Variants in SLC19A2 observed in about 807,000 individuals in gnomAD.
The protein encoded by SLC19A2 is solute carrier family 19 member 2.
A neutral mutation model predicts 44.7 loss-of-function variants in SLC19A2; 27 were observed. The observed-to-expected ratio is 0.60, with a 90% CI of 0.45 to 0.83. The LOEUF (loss-of-function observed/expected upper bound fraction) is 0.83. SLC19A2 is among the 40% of genes least tolerant of loss of function. The pLI, the probability that SLC19A2 is intolerant of heterozygous loss-of-function variation, is 0.00. For missense variants in SLC19A2, 566 were observed against 613.7 expected, an observed-to-expected ratio of 0.92 and a Z score of 0.82; for synonymous variants, 239 against 243.6, an observed-to-expected ratio of 0.98 and a Z score of 0.18.
intron 1 of SLC19A2, among the ~76,000 whole-genome samples, chr1:169,479,825 C>G (rs959770358): frequency 1.3e-5 from 2 of 152,208 alleles, no homozygotes; most frequent in African/African-American, 4.8e-5. Context: ...CCAATAGTAA[C>G]TTTCTTTTTA....
At chr1:169,469,662 C>T (rs925800551) in intron 3 of SLC19A2, among the ~76,000 whole-genome samples, 12 of 152,118 alleles carry the variant, frequency 7.9e-5, no homozygotes, top group African/African-American at 2.9e-4. Context: ...TTCAAAATTT[C>T]ACATCAAGTG....
Position 169,468,154 on chromosome 1 carries a change from A to G in SLC19A2, c.1322T>C (p.Ile441Thr), listed in dbSNP as rs17847484. 1.5e-3 allele frequency: 2,378 copies of G among 1,614,006 alleles called. 85 individuals carry two copies. In the East Asian group the frequency reaches 0.042, roughly 28 times the overall value. The stretch of plus-strand genomic sequence containing the variant: ...TCCAAGGCCACTGGCATCTACCACA[A>G]TTAGAGTGAGCAGCGTCTGCAGTGC... ...ALALQTLLTL[I>T]VVDASGLGLE... The change falls in exon 5 of 6, where the codon ATT (isoleucine) becomes ACT (threonine). Residue 441 changes from isoleucine (I) to threonine (T), a missense_variant. By Grantham distance (89) the Ile-to-Thr change is moderately conservative. Coordinates refer to ENST00000236137, the MANE Select transcript of SLC19A2 (RefSeq NM_006996.3).
chr1:169,471,074 A>C (rs868651219), intron 2 of SLC19A2, among the ~76,000 whole-genome samples: 44 of 148,550 alleles, frequency 3.0e-4, no homozygotes, highest in African/African-American at 1.0e-3. Context: ...AAAAAAAAAA[A>C]CCCACAGAAA....
At chr1:169,483,510 C>T (rs966112352) in intron 1 of SLC19A2, among the ~76,000 whole-genome samples, 1 of 152,192 alleles carries the variant, frequency 6.6e-6, no homozygotes, top group Non-Finnish European at 1.5e-5. Flanking sequence ...TCAAATCCCA[C>T]GCTTTTCCTC....
chr1:169,468,801 T>C lies in SLC19A2; in HGVS notation c.1066A>G (p.Ile356Val). 1 of 1,613,932 alleles carries C rather than the reference T, an allele frequency of 6.2e-7. No individual in the cohort carries two copies. Among genetic ancestry groups the C allele is most frequent in the Non-Finnish European group, 8.5e-7 (1 of 1,179,884 alleles). ...ATTTCTCCCCAAGTTGACCAGGATATTTTTATATAACCAACTGCAAACACA... is the reference window on the plus strand; with the variant it reads ...ATTTCTCCCCAAGTTGACCAGGATACTTTTATATAACCAACTGCAAACACA... Reference protein sequence around the residue: ...VAVFAVGYIKISWSTWGEMTL... With the variant: ...VAVFAVGYIKVSWSTWGEMTL... Residue 356 changes from isoleucine (I) to valine (V), a missense_variant, in exon 4 of 6, where the codon ATA (isoleucine) becomes GTA (valine). Physicochemically the swap from Ile to Val is conservative, Grantham distance 29. Transcript: ENST00000236137.
intron 1 of SLC19A2, among the ~76,000 whole-genome samples, chr1:169,484,121 C>T (rs1658500245): frequency 1.3e-5 from 2 of 152,192 alleles, no homozygotes; most frequent in Admixed American, 1.3e-4. Context: ...AATTTAAGGC[C>T]AGGCAAAAAG....
chr1:169,485,419 G>T, intron 1 of SLC19A2, 144 bp downstream of exon 1: 1 of 869,458 alleles, frequency 1.2e-6, no homozygotes, highest in Non-Finnish European at 1.9e-6. Context: ...ACACAAAGAA[G>T]AGCACGAAGC....
Position 169,468,272 on chromosome 1 carries a change from G to A in SLC19A2, c.1224-20C>T. On this transcript the variant is annotated intron_variant, in intron 4 of 5. Transcript: ENST00000236137. ...TGAAAACTTAAAAAAAAATAAAAGA[G>A]TGAATAAATAAGAATTACTTCTGGA... The A allele has an allele frequency of 6.3e-7, 1 of 1,598,356 alleles. No individual in the cohort carries two copies. Among genetic ancestry groups the A allele is most frequent in the Non-Finnish European group, 8.6e-7 (1 of 1,167,360 alleles).
At chr1:169,475,787 C>T (rs908444779) in intron 2 of SLC19A2, among the ~76,000 whole-genome samples, 3 of 152,172 alleles carry the variant, frequency 2.0e-5, no homozygotes, top group Non-Finnish European at 2.9e-5. Context: ...CCAGGCTCTA[C>T]AAGTCTACCC....
rs1271391695 is a variant in SLC19A2, at chr1:169,465,851, A to G, written c.1492T>C (p.Ter498GlnextTer44). The G allele has an allele frequency of 7.4e-6, 12 of 1,613,962 alleles. No homozygotes were observed. The highest frequency in any genetic ancestry group is 1.0e-5 in the Non-Finnish European group (12 of 1,179,904). Residue 498 changes from the stop codon to glutamine (Q), a stop_lost, in exon 6 of 6, where the codon TAA becomes CAA. Coordinates refer to ENST00000236137, the MANE Select transcript of SLC19A2 (RefSeq NM_006996.3). ...AGAAGAAGCCCTTCAGCAGTATATT[A>G]TGAAGTGGTTACTTGAGAACTTGAT... ...PQSSSQVTTS[*>Q] is the part of the protein sequence containing the mutation.
At position 169,485,599 on chromosome 1, in the gene SLC19A2, G is replaced by GT; in HGVS notation, c.167dup (p.Tyr56Ter). 6.3e-7 allele frequency: 1 copy of GT among 1,585,448 alleles called. No homozygotes were observed. The highest frequency in any genetic ancestry group is 8.6e-7 in the Non-Finnish European group (1 of 1,165,978). Residue 56 changes from tyrosine to a stop codon, truncating the protein, a stop_gained and frameshift_variant, in exon 1 of 6, where the codon TAC (tyrosine) becomes TAAC (stop). Coordinates refer to ENST00000236137, the MANE Select transcript of SLC19A2 (RefSeq NM_006996.3). LOFTEE classifies it high-confidence loss of function. ...TCAGGTTCTTGTCCGGCCCCAGCAG[G>GT]TACGGGGTCAGGAAGGGCTCGGACG... Reference protein sequence around the residue: ...LRPSEPFLTPYLLGPDKNLTE... With the variant: ...LRPSEPFLTP
chr1:169,478,439 C>T (rs900920951), intron 1 of SLC19A2, among the ~76,000 whole-genome samples: 6 of 151,528 alleles, frequency 4.0e-5, no homozygotes, highest in South Asian at 4.2e-4. Context: ...CTGCAACCTC[C>T]GCCTCAGGTG....
At chr1:169,470,259 T>C in intron 2 of SLC19A2, 73 bp from the exon 3 acceptor site, 4 of 1,244,378 alleles carry the variant, frequency 3.2e-6, no homozygotes, top group Non-Finnish European at 4.7e-6. Flanking sequence ...ACAGGCCCAA[T>C]TACTTACCTA....
chr1:169,465,253 T>A lies in SLC19A2; in HGVS notation c.*596A>T, dbSNP rs1046392066. ...AGAACATTCATATGATGAATTTTTTTAAAATAACTTAAAATTAGAAATGAT... is the reference window on the plus strand; with the variant it reads ...AGAACATTCATATGATGAATTTTTTAAAAATAACTTAAAATTAGAAATGAT... On this transcript the variant is annotated 3_prime_UTR_variant, in exon 6 of 6. Transcript: ENST00000236137. 3 of 152,372 alleles carry A rather than the reference T, an allele frequency of 2.0e-5. No homozygotes were observed. Among genetic ancestry groups the A allele is most frequent in the East Asian group, 1.9e-4 (1 of 5,206 alleles). The allele number at this position is 152,372 out of a possible 1,614,324, so 9.4% of individuals were successfully genotyped here.
chr1:169,468,931 T>G (rs1162523200), intron 3 of SLC19A2, 95 bp from the exon 4 acceptor site: 1 of 1,116,886 alleles, frequency 9.0e-7, no homozygotes. Flanking sequence ...TTTTAAAATC[T>G]GCAAACTTAT....
At chr1:169,467,959 G>A in intron 5 of SLC19A2, 152 bp downstream of exon 5, 2 of 747,940 alleles carry the variant, frequency 2.7e-6, no homozygotes, top group East Asian at 5.1e-5. Context: ...ACTAAGGATA[G>A]GGGAGAAGAT....
Position 169,478,053 on chromosome 1 carries a change from C to A in SLC19A2, c.205-296G>T, listed in dbSNP as rs146142463. On this transcript the variant is annotated intron_variant, in intron 1 of 5. Transcript: ENST00000236137. ...TCCCGAATAGCTGAGATTACAGGGA[C>A]CCACCATCACGCCTGGCTAATTTTT... is the stretch of plus-strand genomic sequence containing the variant. Among the ~76,000 whole-genome samples the A allele has an allele frequency of 7.0e-3, 1,058 of 152,066 alleles. 5 individuals carry two copies. Among genetic ancestry groups the A allele is most frequent in the Non-Finnish European group, 9.7e-3 (660 of 67,962 alleles).
At chr1:169,477,790 C>T (rs1464476517) in intron 1 of SLC19A2, 33 bp from the exon 2 acceptor site, 1 of 1,566,970 alleles carries the variant, frequency 6.4e-7, no homozygotes, top group Non-Finnish European at 8.7e-7. Flanking sequence ...AAACAAAAAA[C>T]ATTAGTGATG....
At position 169,477,422 on chromosome 1, in the gene SLC19A2, G is replaced by C; in HGVS notation, c.540C>G (p.Val180=). 1 of 1,614,184 alleles carries C rather than the reference G, an allele frequency of 6.2e-7. No individual in the cohort carries two copies. Among genetic ancestry groups the C allele is most frequent in the Non-Finnish European group, 8.5e-7 (1 of 1,180,042 alleles). ...TVGSVLGQIL[V]SVAGWSLFSL... ...TGAACAGCGACCAGCCTGCCACTGA[G>C]ACAAGGATTTGCCCTAGGACAGAGC... The change falls in exon 2 of 6, where the codon GTC becomes GTG. Residue 180 remains valine (V), a synonymous_variant. Transcript: ENST00000236137.
Sources: gnomAD v4.1 joint callset for allele counts (sites outside exome capture counted in the v4.1 genomes callset) on GRCh38, gnomAD v4.1.1 for gene constraint, MANE v1.5 for transcripts, NCBI Gene and HGNC (gene_info 2026-07-23, HGNC 2026-07-21) for gene names.